The following RBMS1 variants were observed in gnomAD, a reference collection of about 807,000 sequenced individuals.
The protein encoded by RBMS1 is RNA binding motif single stranded interacting protein 1.
Under a neutral mutation model 62.3 loss-of-function variants are expected in RBMS1, and 17 were observed. That is an observed-to-expected ratio of 0.27 (90% CI 0.19 to 0.41). RBMS1 has a LOEUF of 0.41. RBMS1 is among the 10% of genes least tolerant of loss of function. RBMS1 has a pLI of 1.00. For synonymous variants in RBMS1, 172 were observed against 170.0 expected (o/e 1.01, Z -0.09); for missense variants, 334 against 504.5 (o/e 0.66, Z 3.24).
intron 1 of RBMS1, among the ~76,000 whole-genome samples, chr2:160,480,217 G>A (rs1045035833): frequency 6.6e-6 from 1 of 151,932 alleles, no homozygotes; most frequent in Non-Finnish European, 1.5e-5. Flanking sequence ...CAGGGTGATG[G>A]GGTGTCACAA....
chr2:160,358,684 C>A (rs1692945049), intron 2 of RBMS1, among the ~76,000 whole-genome samples: 1 of 152,036 alleles, frequency 6.6e-6, no homozygotes, highest in South Asian at 2.1e-4. Flanking sequence ...AAATGGAATG[C>A]ATTTTCTATA....
chr2:160,381,525 A>G (rs1694282966), intron 1 of RBMS1, among the ~76,000 whole-genome samples: 1 of 152,226 alleles, frequency 6.6e-6, no homozygotes, highest in South Asian at 2.1e-4. Flanking sequence ...TTTACAGATA[A>G]GAGAACAGAA....
chr2:160,280,105 T>C lies in RBMS1; in HGVS notation c.951+1209A>G, dbSNP rs951254523. Among the ~76,000 whole-genome samples the C allele has an allele frequency of 2.6e-5, 4 of 152,174 alleles. No homozygotes were observed. In the East Asian group the frequency reaches 5.8e-4, roughly 22 times the overall value. ...GTTTCCTGCTCCTTTTTCTCATTCATTGGCACCATCTGTAATAGGAAGTCC... is the reference window on the plus strand; with the variant it reads ...GTTTCCTGCTCCTTTTTCTCATTCACTGGCACCATCTGTAATAGGAAGTCC... On this transcript the variant is annotated intron_variant, in intron 10 of 13. Coordinates refer to ENST00000348849, the MANE Select transcript of RBMS1 (RefSeq NM_016836.4).
chr2:160,446,444 T>A (rs989859151), intron 1 of RBMS1, among the ~76,000 whole-genome samples: 1 of 152,232 alleles, frequency 6.6e-6, no homozygotes. Context: ...GGTCACTTAG[T>A]CAAGTAGGAC....
intron 2 of RBMS1, among the ~76,000 whole-genome samples, chr2:160,319,383 A>G (rs1559374215): frequency 6.6e-6 from 1 of 152,070 alleles, no homozygotes; most frequent in Non-Finnish European, 1.5e-5. Flanking sequence ...ATGGTAGTGC[A>G]TGCCTGTAGT....
intron 10 of RBMS1, 65 bp from the exon 11 acceptor site, chr2:160,278,723 C>A (rs1025553329): frequency 2.7e-5 from 27 of 1,017,960 alleles, no homozygotes; most frequent in Non-Finnish European, 3.8e-5. Flanking sequence ...CCTGTAATTA[C>A]TTTTTACAAA....
chr2:160,417,652 T>C (rs1349748124), intron 1 of RBMS1, among the ~76,000 whole-genome samples: 1 of 152,168 alleles, frequency 6.6e-6, no homozygotes, highest in African/African-American at 2.4e-5. Context: ...ACACCATAAC[T>C]TACAACCTGC....
intron 2 of RBMS1, among the ~76,000 whole-genome samples, chr2:160,338,304 C>T (rs1691686707): frequency 6.6e-6 from 1 of 152,104 alleles, no homozygotes; most frequent in Non-Finnish European, 1.5e-5. Context: ...TTCCACAAAT[C>T]TTTATAAAAT....
At chr2:160,366,137 T>A (rs1262749271) in intron 2 of RBMS1, among the ~76,000 whole-genome samples, 1 of 151,876 alleles carries the variant, frequency 6.6e-6, no homozygotes, top group Non-Finnish European at 1.5e-5. Context: ...GTCCCACCCC[T>A]CCCCTTTCAA....
At chr2:160,361,996 GACA>G (rs1301167685) in intron 2 of RBMS1, among the ~76,000 whole-genome samples, 1 of 152,196 alleles carries the variant, frequency 6.6e-6, no homozygotes, top group Non-Finnish European at 1.5e-5. Context: ...CTTAAAATAA[GACA>G]ACAATGAAGA....
chr2:160,407,017 C>T (rs1188330130), intron 1 of RBMS1, among the ~76,000 whole-genome samples: 1 of 149,984 alleles, frequency 6.7e-6, no homozygotes, highest in Non-Finnish European at 1.5e-5. Context: ...CACACAGACA[C>T]ACACAGAGAC....
At chr2:160,477,320 C>G (rs919851104) in intron 1 of RBMS1, among the ~76,000 whole-genome samples, 2 of 152,122 alleles carry the variant, frequency 1.3e-5, no homozygotes, top group African/African-American at 4.8e-5. Context: ...GCATTCCAGC[C>G]TGGGCTACAG....
chr2:160,383,355 A>C (rs895837963), intron 1 of RBMS1, among the ~76,000 whole-genome samples: 2 of 150,032 alleles, frequency 1.3e-5, no homozygotes, highest in African/African-American at 4.9e-5. Context: ...GTCACTGGTC[A>C]TCTCAAGATC....
At chr2:160,410,610 G>A (rs1256776948) in intron 1 of RBMS1, among the ~76,000 whole-genome samples, 1 of 152,224 alleles carries the variant, frequency 6.6e-6, no homozygotes, top group Non-Finnish European at 1.5e-5. Flanking sequence ...AGATCCTGGT[G>A]AGGTTCATCT....
chr2:160,382,213 G>A (rs938844128), intron 1 of RBMS1, among the ~76,000 whole-genome samples: 11 of 152,160 alleles, frequency 7.2e-5, no homozygotes, highest in Admixed American at 5.2e-4. Flanking sequence ...AGTTGGCAAG[G>A]GCTAGATGGT....
intron 2 of RBMS1, among the ~76,000 whole-genome samples, chr2:160,342,993 G>C (rs1187361074): frequency 6.6e-6 from 1 of 151,996 alleles, no homozygotes; most frequent in Non-Finnish European, 1.5e-5. Context: ...CCCATGAACT[G>C]GAATAAGGGA....
chr2:160,378,619 A>T (rs1001330382), intron 1 of RBMS1, among the ~76,000 whole-genome samples: 7 of 66,646 alleles, frequency 1.1e-4, no homozygotes, highest in Admixed American at 7.1e-4. Context: ...TCTATCTATA[A>T]AAAAAAAAAA....
chr2:160,328,658 C>A (rs1459237074), intron 2 of RBMS1, among the ~76,000 whole-genome samples: 1 of 152,008 alleles, frequency 6.6e-6, no homozygotes, highest in Non-Finnish European at 1.5e-5. Flanking sequence ...TAGCACCCTC[C>A]CCCCGCCCCC....
intron 1 of RBMS1, among the ~76,000 whole-genome samples, chr2:160,440,675 T>C (rs564548641): frequency 1.3e-5 from 2 of 152,314 alleles, no homozygotes; most frequent in East Asian, 3.9e-4. Context: ...ATTTCCTTAG[T>C]AGGTTGTTGA....
Sources: allele counts gnomAD v4.1 joint callset (sites outside exome capture counted in the v4.1 genomes callset), GRCh38; gene constraint gnomAD v4.1.1; transcripts MANE v1.5; gene names NCBI Gene and HGNC (gene_info 2026-07-23, HGNC 2026-07-21).